MTF1: variants seen among roughly 807,000 people sequenced by gnomAD.
MTF1 encodes the protein metal regulatory transcription factor 1, also known as MRE-binding transcription factor.
MTF1 carries 22 observed loss-of-function variants against 70.4 expected under a neutral mutation model. The ratio of observed to expected loss-of-function variants is 0.31; its 90% confidence interval spans 0.22 to 0.45. The LOEUF is 0.45. MTF1 is among the 20% of genes least tolerant of loss of function. The pLI is 1.00. For synonymous variants in MTF1, 333 were observed against 352.8 expected (o/e 0.94, Z 0.63); for missense variants, 649 against 922.0 (o/e 0.70, Z 3.83).
intron 10 of MTF1, among the ~76,000 whole-genome samples, chr1:37,816,267 C>A (rs1012104299): frequency 1.3e-5 from 2 of 152,198 alleles, no homozygotes; most frequent in African/African-American, 4.8e-5. Context: ...TGCAGTGGCT[C>A]ATGCCTGTAT....
chr1:37,838,767 T>A lies in MTF1; in HGVS notation c.648-11A>T. On this transcript the variant is annotated splice_polypyrimidine_tract_variant and intron_variant, in intron 3 of 10. Coordinates refer to ENST00000373036, the MANE Select transcript of MTF1 (RefSeq NM_005955.3). ...TGATGTGCTTTCAGCCTGCAAAATA[T>A]TCCAGAAAAATTCCCTTTGTCATAA... is the stretch of plus-strand genomic sequence containing the variant. The A allele has an allele frequency of 6.9e-7, 1 of 1,443,056 alleles. No individual in the cohort carries two copies. The highest frequency in any genetic ancestry group is 9.3e-7 in the Non-Finnish European group (1 of 1,069,642). The allele number at this position is 1,443,056 out of a possible 1,614,324, so 89.4% of individuals were successfully genotyped here. A position where few individuals can be genotyped will look rare whatever the true frequency, so the allele number is the denominator to read the frequency against.
chr1:37,859,415 G>A (rs1641565805), intron 1 of MTF1, 116 bp downstream of exon 1: 6 of 398,046 alleles, frequency 1.5e-5, no homozygotes, highest in Admixed American at 4.4e-5. Context: ...AGAAGGGGTG[G>A]GGTCCCTATG....
chr1:37,822,894 G>A (rs1250113213), intron 8 of MTF1, among the ~76,000 whole-genome samples, 178 bp from the exon 9 acceptor site: 3 of 152,114 alleles, frequency 2.0e-5, no homozygotes, highest in Non-Finnish European at 4.4e-5. Context: ...AAAGTATCAC[G>A]TTTCACCATC....
intron 4 of MTF1, among the ~76,000 whole-genome samples, chr1:37,837,791 C>T (rs996094722): frequency 6.6e-6 from 1 of 152,238 alleles, no homozygotes; most frequent in Non-Finnish European, 1.5e-5. Flanking sequence ...CAGGCATGAG[C>T]CGCCATGCCC....
Position 37,815,143 on chromosome 1 carries a change from G to C in MTF1, c.2255C>G (p.Ser752Cys), listed in dbSNP as rs1393952462. The C allele has an allele frequency of 6.2e-7, 1 of 1,613,962 alleles. No homozygotes were observed. Among genetic ancestry groups the C allele is most frequent in the Non-Finnish European group, 8.5e-7 (1 of 1,179,936 alleles). Reference sequence around the variant, plus strand: ...TGAGCACACATGGGCCCTTCACTTGGAGAAGCTGCTGGTGAGGCCCATCTC... The same window carrying C: ...TGAGCACACATGGGCCCTTCACTTGCAGAAGCTGCTGGTGAGGCCCATCTC... ...EEEMGLTSSF[S>C]K Residue 752 changes from serine to cysteine, a missense_variant, in exon 11 of 11, where the codon TCC (serine) becomes TGC (cysteine). Ser to Cys is a moderately radical substitution (Grantham distance 112). This residue lies in a region of MTF1 where 138 missense variants were observed against 134.4 expected (regional missense o/e 1.03). Transcript: ENST00000373036. The surrounding 1 kb of genome is among the most constrained non-coding windows in gnomAD (Gnocchi z 4.5).
At chr1:37,849,821 A>AG (rs1641387557) in intron 2 of MTF1, among the ~76,000 whole-genome samples, 1 of 152,204 alleles carries the variant, frequency 6.6e-6, no homozygotes, top group Non-Finnish European at 1.5e-5. Flanking sequence ...CAGAAGTTCC[A>AG]GGTTACAGTG....
At chr1:37,832,581 A>G (rs1641104291) in intron 6 of MTF1, among the ~76,000 whole-genome samples, 1 of 152,152 alleles carries the variant, frequency 6.6e-6, no homozygotes, top group South Asian at 2.1e-4. Flanking sequence ...CGCTGCACCC[A>G]TTAACTCATC....
chr1:37,834,759 T>C (rs1569864371), intron 6 of MTF1: 1 of 505,620 alleles, frequency 2.0e-6, no homozygotes, highest in South Asian at 1.6e-5. Flanking sequence ...GGATGTGGAG[T>C]GTGAGGGAAA....
At chr1:37,836,503 T>C (rs1347252065) in intron 4 of MTF1, among the ~76,000 whole-genome samples, 2 of 152,206 alleles carry the variant, frequency 1.3e-5, no homozygotes, top group Admixed American at 1.3e-4. Flanking sequence ...CGAGATCTAC[T>C]TCATTCTCTT....
At chr1:37,854,334 A>G (rs894022886) in intron 2 of MTF1, among the ~76,000 whole-genome samples, 4 of 152,186 alleles carry the variant, frequency 2.6e-5, no homozygotes, top group Non-Finnish European at 4.4e-5. Flanking sequence ...TAAGGCTTAC[A>G]TGCAGGTCTC....
At position 37,832,274 on chromosome 1, in the gene MTF1, C is replaced by T. The variant is rs1354856358; in HGVS notation, c.1039G>A (p.Asp347Asn). ...CTGGAATTTTCTCGCAATTCAGAATCTGTGGACAGAAGGCTCAAGTCACTT... is the reference window on the plus strand; with the variant it reads ...CTGGAATTTTCTCGCAATTCAGAATTTGTGGACAGAAGGCTCAAGTCACTT... ...CLSDLSLLST[D>N]SELRENSSTT... is the part of the protein sequence containing the mutation. Residue 347 changes from aspartate (D) to asparagine (N), a missense_variant, in exon 7 of 11, where the codon GAT becomes AAT. Transcript: ENST00000373036. The T allele has an allele frequency of 3.1e-6, 5 of 1,613,296 alleles. No individual in the cohort carries two copies. Among genetic ancestry groups the T allele is most frequent in the Non-Finnish European group, 4.2e-6 (5 of 1,179,554 alleles).
chr1:37,832,298 T>G lies in MTF1; in HGVS notation c.1015A>C (p.Ser339Arg), dbSNP rs1343899780. The change falls in exon 7 of 11, where the codon AGT becomes CGT. Residue 339 changes from serine to arginine, a missense_variant. This residue lies in a region of MTF1 where 267 missense variants were observed against 292.1 expected (regional missense o/e 0.91). Coordinates refer to ENST00000373036, the MANE Select transcript of MTF1 (RefSeq NM_005955.3). Reference protein sequence around the residue: ...SEDTNHSLCLSDLSLLSTDSE... With the variant: ...SEDTNHSLCLRDLSLLSTDSE... ...TCTGTGGACAGAAGGCTCAAGTCAC[T>G]TAGACAAAGTGAGTGATTTGTATCC... The G allele has an allele frequency of 6.2e-7, 1 of 1,613,298 alleles. No individual in the cohort carries two copies. The highest frequency in any genetic ancestry group is 1.1e-5 in the South Asian group (1 of 91,004).
At position 37,819,045 on chromosome 1, in the gene MTF1, A is replaced by G. The variant is rs557130422; in HGVS notation, c.1768-1563T>C. 8.6e-4 allele frequency among the ~76,000 whole-genome samples: 131 copies of G among 151,822 alleles called. 1 individual carries two copies. Among genetic ancestry groups the G allele is most frequent in the African/African-American group, 2.8e-3 (116 of 41,412 alleles). ...AGAGAGGCCCGAGCTAGGATGTTCAACCCCTCGCCATGTGATGCCCTGTGC... is the reference window on the plus strand; with the variant it reads ...AGAGAGGCCCGAGCTAGGATGTTCAGCCCCTCGCCATGTGATGCCCTGTGC... On this transcript the variant is annotated intron_variant, in intron 9 of 10. Coordinates refer to ENST00000373036, the MANE Select transcript of MTF1 (RefSeq NM_005955.3).
chr1:37,847,928 G>T (rs1380837937), intron 2 of MTF1, among the ~76,000 whole-genome samples: 2 of 152,146 alleles, frequency 1.3e-5, no homozygotes, highest in Admixed American at 6.5e-5. Context: ...TCACTCCACT[G>T]CACTCAGCCT....
Position 37,814,946 on chromosome 1 carries a change from G to GT in MTF1, c.*189dup. 1 of 566,566 alleles carries GT rather than the reference G, an allele frequency of 1.8e-6. No individual in the cohort carries two copies. The highest frequency in any genetic ancestry group is 3.0e-6 in the Non-Finnish European group (1 of 329,246). The allele number at this position is 566,566 out of a possible 1,614,324, so 35.1% of individuals were successfully genotyped here. On this transcript the variant is annotated 3_prime_UTR_variant, in exon 11 of 11. Coordinates refer to ENST00000373036, the MANE Select transcript of MTF1 (RefSeq NM_005955.3). ...TTTTTTGTTGTTTTTTTTGTTTTTT[G>GT]TTTTTTTCCAAAGAATAGTTCCTTA...
In MTF1 at chr1:37,840,787, A is replaced by G. The variant is rs1046095829; in HGVS notation, c.409-629T>C. On this transcript the variant is annotated intron_variant, in intron 2 of 10. Coordinates refer to ENST00000373036, the MANE Select transcript of MTF1 (RefSeq NM_005955.3). This position sits in a 1 kb window ranked among gnomAD's most constrained non-coding sequence, Gnocchi z 4.5. Reference sequence around the variant, plus strand: ...CTTCACCTCATGGCAGAAGGTTAAGAAAAAAAAAAAAGCTGCTTCTCCGAC... The same window carrying G: ...CTTCACCTCATGGCAGAAGGTTAAGGAAAAAAAAAAAGCTGCTTCTCCGAC... Among the ~76,000 whole-genome samples the G allele has an allele frequency of 1.4e-5, 2 of 147,090 alleles. No individual in the cohort carries two copies. The highest frequency in any genetic ancestry group is 3.0e-5 in the Non-Finnish European group (2 of 66,182).
chr1:37,825,535 C>A (rs1640989981), intron 7 of MTF1, among the ~76,000 whole-genome samples: 1 of 152,162 alleles, frequency 6.6e-6, no homozygotes, highest in African/African-American at 2.4e-5. Context: ...CCACATCAGA[C>A]CCAGAAATTT....
At chr1:37,850,232 G>T (rs1641394676) in intron 2 of MTF1, among the ~76,000 whole-genome samples, 1 of 86,424 alleles carries the variant, frequency 1.2e-5, no homozygotes, top group Non-Finnish European at 2.1e-5. Context: ...ATGGAACCCT[G>T]TCTCAACCAA....
At chr1:37,836,847 T>C (rs371226456) in intron 4 of MTF1, among the ~76,000 whole-genome samples, 20 of 152,164 alleles carry the variant, frequency 1.3e-4, no homozygotes, top group South Asian at 4.2e-4. Flanking sequence ...TAAAGTCTCA[T>C]TGAATATTCA....
Sources: gnomAD v4.1 joint callset for allele counts (sites outside exome capture counted in the v4.1 genomes callset) on GRCh38, gnomAD v4.1.1 for gene constraint, gnomAD v4.1.1 regional missense constraint, Gnocchi (gnomAD v3.1) non-coding constraint, MANE v1.5 for transcripts, NCBI Gene and HGNC (gene_info 2026-07-23, HGNC 2026-07-21) for gene names.